ZNF556: variants seen among roughly 807,000 people sequenced by gnomAD.
The protein encoded by ZNF556 is zinc finger protein 556.
ZNF556 carries 11 observed loss-of-function variants against 13.6 expected under a neutral mutation model. The observed-to-expected ratio is 0.81, with a 90% CI of 0.51 to 1.33. ZNF556 has a LOEUF of 1.33. Among genes scored for constraint, ZNF556 ranks in the 40% most tolerant of loss-of-function variants. ZNF556 has a pLI of 0.00. For missense variants in ZNF556, 633 were observed against 566.2 expected, an observed-to-expected ratio of 1.12 and a Z score of -1.20; for synonymous variants, 229 against 207.8, an observed-to-expected ratio of 1.10 and a Z score of -0.88.
In ZNF556 at chr19:2,877,726, G is replaced by A. The variant is rs374189574; in HGVS notation, c.768G>A (p.Gly256=). The A allele has an allele frequency of 2.5e-6, 4 of 1,613,438 alleles. No individual in the cohort carries two copies. The African/African-American group carries it at 4.0e-5, about 16-fold the overall frequency. ...CACATGTGATGATGCACGCCGGAGG[G>A]AGACCGTATGAGTGCAAGCACTGTG... The part of the protein sequence containing the change: ...FRAHVMMHAG[G]RPYECKHCGK... The change falls in exon 4 of 4, where the codon GGG becomes GGA. Residue 256 remains glycine, a synonymous_variant. Transcript: ENST00000307635.
chr19:2,867,394 C>G lies in ZNF556; in HGVS notation c.-28C>G. On this transcript the variant is annotated 5_prime_UTR_variant, in exon 1 of 4. Transcript: ENST00000307635. ...CACCGGCTGCGAGGAGCAGGGAGCT[C>G]CTCAAAGAGCTCAGGAACGGACAGG... is the stretch of plus-strand genomic sequence containing the variant. 1 of 1,579,602 alleles carries G rather than the reference C, an allele frequency of 6.3e-7. No homozygotes were observed. Among genetic ancestry groups the G allele is most frequent in the Non-Finnish European group, 8.6e-7 (1 of 1,163,728 alleles).
chr19:2,876,291 G>A lies in ZNF556; in HGVS notation c.314+15G>A. 6.4e-7 allele frequency: 1 copy of A among 1,557,244 alleles called. No individual in the cohort carries two copies. The highest frequency in any genetic ancestry group is 1.4e-5 in the African/African-American group (1 of 71,216). On this transcript the variant is annotated intron_variant, in intron 3 of 3. Transcript: ENST00000307635. ...AGACATTTGAGGTGAGTTGTACTTA[G>A]AAGAAAAAGGCAGTATCGCCAGGCA...
At chr19:2,872,630 A>G (rs1026697165) in intron 1 of ZNF556, among the ~76,000 whole-genome samples, 1 of 152,086 alleles carries the variant, frequency 6.6e-6, no homozygotes, top group East Asian at 1.9e-4. Flanking sequence ...GGAACAGCTC[A>G]TGTCCTCGGT....
Position 2,867,373 on chromosome 19 carries a change from GGCTGCGAGGAGCAGGGA to G in ZNF556, c.-45_-29del, listed in dbSNP as rs550278292. The G allele has an allele frequency of 2.6e-4, 408 of 1,568,950 alleles. 5 individuals are homozygous for G. The South Asian group carries it at 3.8e-3, about 15-fold the overall frequency. ...TGTCCCCGTCGTGCTCACCTGCACCGGCTGCGAGGAGCAGGGAGCTCCTCAAAGAGCTCAGGAACGGA... is the reference window on the plus strand; with the variant it reads ...TGTCCCCGTCGTGCTCACCTGCACCGGCTCCTCAAAGAGCTCAGGAACGGA... On this transcript the variant is annotated 5_prime_UTR_variant, in exon 1 of 4. Transcript: ENST00000307635.
rs757052870 is a variant in ZNF556 at position 2,876,252 on chromosome 19, A to G, written c.290A>G (p.His97Arg). The change falls in exon 3 of 4, where the codon CAC becomes CGC. Residue 97 changes from histidine (H) to arginine (R), a missense_variant. His to Arg is a conservative substitution (Grantham distance 29). Transcript: ENST00000307635. The stretch of plus-strand genomic sequence containing the variant: ...GAAGAACATAGCGTTAAAGACAAGC[A>G]CAACACCAAGGAGAGACATTTGAGG... ...NWEEHSVKDK[H>R]NTKERHLSRN... The G allele has an allele frequency of 6.2e-7, 1 of 1,601,776 alleles. No homozygotes were observed. The highest frequency in any genetic ancestry group is 1.1e-5 in the South Asian group (1 of 88,152).
rs1555726895 is a variant in ZNF556 at position 2,882,531 on chromosome 19, A to AGAGTGTGT, written c.*4203_*4204insAGTGTGTG. 2 of 127,722 alleles carry AGAGTGTGT rather than the reference A, an allele frequency of 1.6e-5. No homozygotes were observed. The highest frequency in any genetic ancestry group is 3.2e-5 in the Non-Finnish European group (2 of 62,732). 7.9% of individuals were successfully genotyped at this position (127,722 alleles called of 1,614,324 possible). A position where few individuals can be genotyped will look rare whatever the true frequency, so the allele number is the denominator to read the frequency against. Reference sequence around the variant, plus strand: ...ATACATTTTATATATATATATATATAGTGTGTGTGTGTGTGTGTGTGTGTG... The same window carrying AGAGTGTGT: ...ATACATTTTATATATATATATATATAGAGTGTGTGTGTGTGTGTGTGTGTGTGTGTGTG... On this transcript the variant is annotated 3_prime_UTR_variant, in exon 4 of 4. Coordinates refer to ENST00000307635, the MANE Select transcript of ZNF556 (RefSeq NM_024967.3).
rs141050858 is a variant in ZNF556, at chr19:2,868,498, C to G, written c.3+1074C>G. Among the ~76,000 whole-genome samples the G allele has an allele frequency of 9.2e-4, 139 of 151,758 alleles. 5 individuals carry two copies. Among genetic ancestry groups the G allele is most frequent in the Non-Finnish European group, 2.2e-4 (15 of 67,980 alleles). On this transcript the variant is annotated intron_variant, in intron 1 of 3. Coordinates refer to ENST00000307635, the MANE Select transcript of ZNF556 (RefSeq NM_024967.3). ...CGCGATCTCGGCTCACTGCAACCTC[C>G]GCCTCCTGAGTTCAAGCGATTGATT...
chr19:2,875,498 C>G (rs1238280738), intron 2 of ZNF556: 1 of 156,416 alleles, frequency 6.4e-6, no homozygotes, highest in African/African-American at 2.4e-5. Flanking sequence ...CGGCCAAACA[C>G]CTTCAATTTT....
Position 2,882,531 on chromosome 19 carries a change from A to ATATATAGTGTGTGTGTGTGT in ZNF556, c.*4202_*4203insTATATAGTGTGTGTGTGTGT, listed in dbSNP as rs57053138. 349 of 127,652 alleles carry ATATATAGTGTGTGTGTGTGT rather than the reference A, an allele frequency of 2.7e-3. 3 individuals carry two copies. Among genetic ancestry groups the ATATATAGTGTGTGTGTGTGT allele is most frequent in the African/African-American group, 1.0e-2 (328 of 32,922 alleles). The allele number at this position is 127,652 out of a possible 1,614,324, so 7.9% of individuals were successfully genotyped here. A position where few individuals can be genotyped will look rare whatever the true frequency, so the allele number is the denominator to read the frequency against. ...ATACATTTTATATATATATATATATAGTGTGTGTGTGTGTGTGTGTGTGTG... is the reference window on the plus strand; with the variant it reads ...ATACATTTTATATATATATATATATATATATAGTGTGTGTGTGTGTGTGTGTGTGTGTGTGTGTGTGTGTG... On this transcript the variant is annotated 3_prime_UTR_variant, in exon 4 of 4. Coordinates refer to ENST00000307635, the MANE Select transcript of ZNF556 (RefSeq NM_024967.3).
chr19:2,882,531 A>ATTGTGTGTGTGT lies in ZNF556; in HGVS notation c.*4202_*4203insTTGTGTGTGTGT, dbSNP rs57053138. The ATTGTGTGTGTGT allele has an allele frequency of 7.8e-6, 1 of 127,722 alleles. No individual in the cohort carries two copies. Among genetic ancestry groups the ATTGTGTGTGTGT allele is most frequent in the Non-Finnish European group, 1.6e-5 (1 of 62,732 alleles). 7.9% of individuals were successfully genotyped at this position (127,722 alleles called of 1,614,324 possible). A position where few individuals can be genotyped will look rare whatever the true frequency, so the allele number is the denominator to read the frequency against. ...ATACATTTTATATATATATATATAT[A>ATTGTGTGTGTGT]GTGTGTGTGTGTGTGTGTGTGTGTG... On this transcript the variant is annotated 3_prime_UTR_variant, in exon 4 of 4. Coordinates refer to ENST00000307635, the MANE Select transcript of ZNF556 (RefSeq NM_024967.3).
At chr19:2,874,069 C>A (rs1568353132) in intron 2 of ZNF556, among the ~76,000 whole-genome samples, 1 of 151,714 alleles carries the variant, frequency 6.6e-6, no homozygotes, top group African/African-American at 2.4e-5. Context: ...CCAGCCTGGG[C>A]AACACGGTGA....
chr19:2,878,214 A>G lies in ZNF556; in HGVS notation c.1256A>G (p.Gln419Arg). The stretch of plus-strand genomic sequence containing the variant: ...TGCTCTTCCAAAAATGTAAGAACGC[A>G]GATTGGACAGAAGCCCAGTAAATGC... ...GLCSSKNVRT[Q>R]IGQKPSKCEK... is the part of the protein sequence containing the mutation. The change falls in exon 4 of 4, where the codon CAG (glutamine) becomes CGG (arginine). Residue 419 changes from glutamine to arginine, a missense_variant. By Grantham distance (43) the Gln-to-Arg change is conservative (BLOSUM62 1). Coordinates refer to ENST00000307635, the MANE Select transcript of ZNF556 (RefSeq NM_024967.3). 1 of 1,614,216 alleles carries G rather than the reference A, an allele frequency of 6.2e-7. No homozygotes were observed. The highest frequency in any genetic ancestry group is 1.1e-5 in the South Asian group (1 of 91,086).
At position 2,881,695 on chromosome 19, in the gene ZNF556, A is replaced by G. The variant is rs2087905817; in HGVS notation, c.*3366A>G. The G allele has an allele frequency of 6.6e-6, 1 of 152,134 alleles. No individual in the cohort carries two copies. The highest frequency in any genetic ancestry group is 2.1e-4 in the South Asian group (1 of 4,828). The allele number at this position is 152,134 out of a possible 1,614,324, so 9.4% of individuals were successfully genotyped here. A position where few individuals can be genotyped will look rare whatever the true frequency, so the allele number is the denominator to read the frequency against. ...AAGGATCGGGCTTCAGTAAGTGACA[A>G]TCTCATCATGAATTCATTTATAGTT... On this transcript the variant is annotated 3_prime_UTR_variant, in exon 4 of 4. Coordinates refer to ENST00000307635, the MANE Select transcript of ZNF556 (RefSeq NM_024967.3).
In ZNF556 at chr19:2,879,863, T is replaced by C. The variant is rs532744868; in HGVS notation, c.*1534T>C. ...GGCTATCATGGTGAAACCCCGTCTCTACTAAAAATACAAAAAATTAGCCAG... is the reference window on the plus strand; with the variant it reads ...GGCTATCATGGTGAAACCCCGTCTCCACTAAAAATACAAAAAATTAGCCAG... On this transcript the variant is annotated 3_prime_UTR_variant, in exon 4 of 4. Coordinates refer to ENST00000307635, the MANE Select transcript of ZNF556 (RefSeq NM_024967.3). The C allele has an allele frequency of 7.9e-6, 1 of 126,458 alleles. No homozygotes were observed. The highest frequency in any genetic ancestry group is 2.5e-5 in the African/African-American group (1 of 40,144). 7.8% of individuals were successfully genotyped at this position (126,458 alleles called of 1,614,324 possible).
chr19:2,873,970 A>G (rs976821087), intron 2 of ZNF556, among the ~76,000 whole-genome samples: 1 of 151,480 alleles, frequency 6.6e-6, no homozygotes, highest in Non-Finnish European at 1.5e-5. Context: ...TAAAAAAGAA[A>G]AAAGAGCCAG....
Position 2,878,012 on chromosome 19 carries a change from T to C in ZNF556, c.1054T>C (p.Ser352Pro), listed in dbSNP as rs149449762. ...GAGTGGGGGCAGCGTGGGAAAGTCT[T>C]CCGCGAGGCCTCGCCCCTCCACAGA... The part of the protein sequence containing the change: ...PVSGGSVGKS[S>P]ARPRPSTDVK... The change falls in exon 4 of 4, where the codon TCC becomes CCC. Residue 352 changes from serine (S) to proline (P), a missense_variant. Coordinates refer to ENST00000307635, the MANE Select transcript of ZNF556 (RefSeq NM_024967.3). The C allele has an allele frequency of 7.0e-5, 113 of 1,614,086 alleles. No homozygotes were observed. The African/African-American group carries it at 1.3e-3, about 18-fold the overall frequency.
rs1360663186 is a variant in ZNF556, at chr19:2,881,015, C to G, written c.*2686C>G. The G allele has an allele frequency of 6.6e-6, 1 of 151,270 alleles. No individual in the cohort carries two copies. The highest frequency in any genetic ancestry group is 2.4e-5 in the African/African-American group (1 of 41,232). The allele number at this position is 151,270 out of a possible 1,614,324, so 9.4% of individuals were successfully genotyped here. A position where few individuals can be genotyped will look rare whatever the true frequency, so the allele number is the denominator to read the frequency against. Reference sequence around the variant, plus strand: ...CCTGAAGAGCTGGGATTACAGGCACCCGCCACCACACCCGGCTAATTTTTG... The same window carrying G: ...CCTGAAGAGCTGGGATTACAGGCACGCGCCACCACACCCGGCTAATTTTTG... On this transcript the variant is annotated 3_prime_UTR_variant, in exon 4 of 4. Coordinates refer to ENST00000307635, the MANE Select transcript of ZNF556 (RefSeq NM_024967.3).
Position 2,878,632 on chromosome 19 carries a change from C to T in ZNF556, c.*303C>T, listed in dbSNP as rs1040886771. The T allele has an allele frequency of 5.0e-5, 12 of 238,912 alleles. No individual in the cohort carries two copies. The highest frequency in any genetic ancestry group is 9.9e-5 in the Non-Finnish European group (12 of 121,250). 14.8% of individuals were successfully genotyped at this position (238,912 alleles called of 1,614,324 possible). A position where few individuals can be genotyped will look rare whatever the true frequency, so the allele number is the denominator to read the frequency against. On this transcript the variant is annotated 3_prime_UTR_variant, in exon 4 of 4. Transcript: ENST00000307635. ...CGGAGCTTGCAGTGAGCCGAGATGG[C>T]ACCACTGCACTCCAGCCTGGGTGAC...
At chr19:2,870,934 G>A (rs2087797694) in intron 1 of ZNF556, among the ~76,000 whole-genome samples, 2 of 151,666 alleles carry the variant, frequency 1.3e-5, no homozygotes, top group Admixed American at 1.3e-4. Flanking sequence ...AGCTACTCGG[G>A]AGGCTGAGGC....
Sources: gnomAD v4.1 joint callset for allele counts (sites outside exome capture counted in the v4.1 genomes callset) on GRCh38, gnomAD v4.1.1 for gene constraint, MANE v1.5 for transcripts, NCBI Gene and HGNC (gene_info 2026-07-23, HGNC 2026-07-21) for gene names.